The following QTMAN variants were observed in gnomAD, a reference collection of about 807,000 sequenced individuals.
QTMAN encodes the protein tRNA-queuosine alpha-mannosyltransferase.
At chr2:144,130,707 C>A in the QTMAN span, among the ~76,000 whole-genome samples, 1 of 151,846 alleles carries the variant, frequency 6.6e-6, no homozygotes, top group Non-Finnish European at 1.5e-5. Flanking sequence ...TGAAATTACT[C>A]CCCCTACTTG....
the QTMAN span, among the ~76,000 whole-genome samples, chr2:144,115,704 T>C: frequency 1.3e-5 from 2 of 152,248 alleles, no homozygotes; most frequent in African/African-American, 4.8e-5. Flanking sequence ...TTCTTACCTG[T>C]GCCATTCCTT....
chr2:144,103,294 C>A, the QTMAN span, among the ~76,000 whole-genome samples: 1 of 152,128 alleles, frequency 6.6e-6, no homozygotes, highest in East Asian at 1.9e-4. Flanking sequence ...AACTGGAGGC[C>A]GGGGGCCACT....
At chr2:144,307,739 T>C in the QTMAN span, among the ~76,000 whole-genome samples, 1 of 152,176 alleles carries the variant, frequency 6.6e-6, no homozygotes, top group African/African-American at 2.4e-5. Flanking sequence ...CATTCAGAAA[T>C]ATAATTCACG....
chr2:144,030,594 CT>C, the QTMAN span, among the ~76,000 whole-genome samples: 1 of 151,992 alleles, frequency 6.6e-6, no homozygotes, highest in African/African-American at 2.4e-5. Flanking sequence ...GATGAATAGA[CT>C]TAAGGCTGGT....
At chr2:144,029,739 CT>C in the QTMAN span, among the ~76,000 whole-genome samples, 323 of 151,816 alleles carry the variant, frequency 2.1e-3, 4 homozygotes, top group African/African-American at 7.3e-3. Context: ...GATTGCTTTC[CT>C]TTTTTTTCAC....
chr2:144,101,814 T>C, the QTMAN span, among the ~76,000 whole-genome samples: 1 of 152,160 alleles, frequency 6.6e-6, no homozygotes, highest in African/African-American at 2.4e-5. Context: ...AAAATAAACA[T>C]TTTGGTTTTG....
chr2:144,085,781 T>C, the QTMAN span, among the ~76,000 whole-genome samples: 1 of 152,190 alleles, frequency 6.6e-6, no homozygotes, highest in Non-Finnish European at 1.5e-5. Flanking sequence ...AAATTTTGTA[T>C]GACACCAGTT....
chr2:144,084,205 T>A, the QTMAN span, among the ~76,000 whole-genome samples: 1 of 152,214 alleles, frequency 6.6e-6, no homozygotes, highest in African/African-American at 2.4e-5. Flanking sequence ...CCAGAAAGGT[T>A]CAGCCCATGG....
the QTMAN span, among the ~76,000 whole-genome samples, chr2:143,950,710 T>C: frequency 1.3e-5 from 2 of 151,764 alleles, no homozygotes; most frequent in Non-Finnish European, 3.0e-5. Flanking sequence ...GTCTATCACA[T>C]GGGAAACTAT....
chr2:144,182,829 A>ATATATATATAATATATATATAT, the QTMAN span, among the ~76,000 whole-genome samples: 1 of 61,178 alleles, frequency 1.6e-5, no homozygotes, highest in Non-Finnish European at 2.9e-5. Flanking sequence ...TATATATATA[A>ATATATATATAATATATATATAT]TATATATATA....
At chr2:144,251,584 T>TA in the QTMAN span, among the ~76,000 whole-genome samples, 1 of 152,124 alleles carries the variant, frequency 6.6e-6, no homozygotes, top group Non-Finnish European at 1.5e-5. Flanking sequence ...TAACTCAAAA[T>TA]AGATCATAAA....
chr2:144,133,531 TATATAAAGATATAAAG>T, the QTMAN span, among the ~76,000 whole-genome samples: 9 of 91,224 alleles, frequency 9.9e-5, no homozygotes, highest in Non-Finnish European at 1.6e-4. Context: ...TAAATAAATA[TATATAAAGATATAAAG>T]ATATAAATAT....
At chr2:144,145,702 G>T in the QTMAN span, 1 of 1,611,446 alleles carries the variant, frequency 6.2e-7, no homozygotes. Context: ...AGGGCAGCCA[G>T]TTCGGTCAGG....
the QTMAN span, among the ~76,000 whole-genome samples, chr2:144,227,119 A>G: frequency 6.6e-6 from 1 of 152,200 alleles, no homozygotes; most frequent in Admixed American, 6.5e-5. Flanking sequence ...ATATGTCTTT[A>G]GCCATATGAC....
the QTMAN span, among the ~76,000 whole-genome samples, chr2:144,109,408 A>G: frequency 6.6e-6 from 1 of 152,270 alleles, no homozygotes; most frequent in East Asian, 1.9e-4. Flanking sequence ...GATGGATTAA[A>G]GACTTAAATG....
At chr2:144,028,592 G>A in the QTMAN span, among the ~76,000 whole-genome samples, 1 of 152,098 alleles carries the variant, frequency 6.6e-6, no homozygotes, top group Non-Finnish European at 1.5e-5. Context: ...GAGCCATGTT[G>A]ATGAGACCAC....
the QTMAN span, among the ~76,000 whole-genome samples, chr2:144,158,659 G>A: frequency 5.3e-5 from 8 of 151,890 alleles, no homozygotes; most frequent in Non-Finnish European, 1.0e-4. Flanking sequence ...GATAAACATT[G>A]CAACAGATAC....
the QTMAN span, among the ~76,000 whole-genome samples, chr2:144,057,543 G>A: frequency 6.6e-6 from 1 of 152,126 alleles, no homozygotes; most frequent in African/African-American, 2.4e-5. Context: ...TCGGTCCCCA[G>A]AAATGGCAAT....
chr2:144,080,925 C>T, the QTMAN span, among the ~76,000 whole-genome samples: 3 of 152,060 alleles, frequency 2.0e-5, no homozygotes, highest in Non-Finnish European at 2.9e-5. Context: ...ATATTTTTGT[C>T]CCACATATAA....
Sources: gnomAD v4.1 joint callset for allele counts (sites outside exome capture counted in the v4.1 genomes callset) on GRCh38, gnomAD v4.1.1 for gene constraint, MANE v1.5 for transcripts, NCBI Gene and HGNC (gene_info 2026-07-23, HGNC 2026-07-21) for gene names.